The following ARFGEF3 variants were observed in gnomAD, a reference collection of about 807,000 sequenced individuals.
The protein encoded by ARFGEF3 is brefeldin A-inhibited guanine nucleotide-exchange protein 3.
ARFGEF3 carries 96 observed loss-of-function variants against 221.7 expected under a neutral mutation model. That is an observed-to-expected ratio of 0.43 (90% confidence interval 0.37 to 0.51). The LOEUF (loss-of-function observed/expected upper bound fraction) is 0.51. Ranked by LOEUF, ARFGEF3 falls within the 20% of genes least tolerant of loss-of-function variation. The pLI, the probability that ARFGEF3 is intolerant of heterozygous loss-of-function variation, is 0.00. For missense variants in ARFGEF3, 2,410 were observed against 2,789.9 expected, an observed-to-expected ratio of 0.86 and a Z score of 3.07; for synonymous variants, 1,145 against 1,126.8, an observed-to-expected ratio of 1.02 and a Z score of -0.32.
rs373066070 is a variant in ARFGEF3, at chr6:138,207,067, T to C, written c.163T>C (p.Leu55=). ...GGAGAAATGCCTGCTGCCTCTCCAG[T>C]TGGCTTTGGAATCCAAGAATGTGAA... is the stretch of plus-strand genomic sequence containing the variant. ...LREKCLLPLQ[L]ALESKNVKLA... Residue 55 remains leucine (L), a synonymous_variant, in exon 3 of 34, where the codon TTG becomes CTG. Coordinates refer to ENST00000251691, the MANE Select transcript of ARFGEF3 (RefSeq NM_020340.5). 1.2e-6 allele frequency: 2 copies of C among 1,611,034 alleles called. No homozygotes were observed. Among genetic ancestry groups the C allele is most frequent in the African/African-American group, 1.3e-5 (1 of 74,896 alleles).
chr6:138,336,512 A>C lies in ARFGEF3; in HGVS notation c.*26A>C. The C allele has an allele frequency of 6.4e-7, 1 of 1,573,552 alleles. No homozygotes were observed. Among genetic ancestry groups the C allele is most frequent in the African/African-American group, 1.4e-5 (1 of 73,970 alleles). On this transcript the variant is annotated 3_prime_UTR_variant, in exon 34 of 34. Coordinates refer to ENST00000251691, the MANE Select transcript of ARFGEF3 (RefSeq NM_020340.5). ...CCGACTCCTGTTCTACTCTCCCACC[A>C]AATAACAGTAGTGAGGGTTAGAGTC...
At chr6:138,217,017 G>C (rs1777878119) in intron 4 of ARFGEF3, 1 of 152,168 alleles carries the variant, frequency 6.6e-6, no homozygotes, top group Non-Finnish European at 1.5e-5. Context: ...TTTACCCTTT[G>C]ATATGACTGC....
At chr6:138,297,946 C>T (rs1779551416) in intron 21 of ARFGEF3, among the ~76,000 whole-genome samples, 1 of 152,184 alleles carries the variant, frequency 6.6e-6, no homozygotes, top group Non-Finnish European at 1.5e-5. Flanking sequence ...TTTTCATGGT[C>T]TCTCATGTAG....
At chr6:138,299,524 A>G (rs1258225404) in intron 22 of ARFGEF3, among the ~76,000 whole-genome samples, 4 of 152,198 alleles carry the variant, frequency 2.6e-5, no homozygotes, top group Admixed American at 2.6e-4. Flanking sequence ...TCTGAAGTCC[A>G]CCAAAAACGT....
intron 25 of ARFGEF3, 127 bp downstream of exon 25, chr6:138,311,637 G>A (rs1006769913): frequency 3.3e-5 from 21 of 642,146 alleles, no homozygotes; most frequent in East Asian, 8.2e-5. Context: ...AGATTGGGGC[G>A]CAGATGTGGA....
rs1304261411 is a variant in ARFGEF3 at position 138,207,084 on chromosome 6, G to A, written c.180G>A (p.Lys60=). ...LLPLQLALES[K]NVKLAQHALA... is the part of the protein sequence containing the mutation. ...CTCTCCAGTTGGCTTTGGAATCCAA[G>A]AATGTGAAGCTGGCCCAACATGCTT... Residue 60 remains lysine (K), a synonymous_variant, in exon 3 of 34, where the codon AAG becomes AAA. Transcript: ENST00000251691. 1.2e-6 allele frequency: 2 copies of A among 1,611,728 alleles called. No homozygotes were observed. The highest frequency in any genetic ancestry group is 1.7e-6 in the Non-Finnish European group (2 of 1,179,112).
chr6:138,298,729 C>T lies in ARFGEF3; in HGVS notation c.3772C>T (p.Arg1258Ter), dbSNP rs745336478. The T allele has an allele frequency of 3.7e-6, 6 of 1,613,432 alleles. No homozygotes were observed. The highest frequency in any genetic ancestry group is 2.2e-5 in the East Asian group (1 of 44,868). Reference sequence around the variant, plus strand: ...TTTTCACTTCAATGAAGCACTCTTCCGACCTTTCGAGCGCATTATGCAGCT... The same window carrying T: ...TTTTCACTTCAATGAAGCACTCTTCTGACCTTTCGAGCGCATTATGCAGCT... ...PHFHFNEALF[R>*]PFERIMQLEL... Residue 1258 changes from arginine to a stop codon, truncating the protein, a stop_gained, in exon 22 of 34, where the codon CGA (arginine) becomes TGA (stop). Coordinates refer to ENST00000251691, the MANE Select transcript of ARFGEF3 (RefSeq NM_020340.5). LOFTEE classifies it high-confidence loss of function.
At chr6:138,176,431 T>G (rs1229027105) in intron 2 of ARFGEF3, among the ~76,000 whole-genome samples, 1 of 152,198 alleles carries the variant, frequency 6.6e-6, no homozygotes, top group Non-Finnish European at 1.5e-5. Flanking sequence ...TCCACCCGCC[T>G]CGGCCTCCCA....
chr6:138,263,269 T>C lies in ARFGEF3; in HGVS notation c.1786T>C (p.Phe596Leu). Residue 596 changes from phenylalanine to leucine, a missense_variant, in exon 12 of 34, where the codon TTT (phenylalanine) becomes CTT (leucine). Physicochemically the swap from Phe to Leu is conservative, Grantham distance 22. Transcript: ENST00000251691. Reference sequence around the variant, plus strand: ...TGGATCTAGGTATAGTGAGAGCAATTTTAGCGTTGATGACCAAGACCTTTC... The same window carrying C: ...TGGATCTAGGTATAGTGAGAGCAATCTTAGCGTTGATGACCAAGACCTTTC... ...SYGSRYSESNFSVDDQDLSRT... is the reference protein window; with the variant it reads ...SYGSRYSESNLSVDDQDLSRT... 5 of 1,613,934 alleles carry C rather than the reference T, an allele frequency of 3.1e-6. No individual in the cohort carries two copies. The highest frequency in any genetic ancestry group is 4.2e-6 in the Non-Finnish European group (5 of 1,179,884).
chr6:138,287,312 T>C, intron 17 of ARFGEF3, 128 bp downstream of exon 17: 1 of 667,164 alleles, frequency 1.5e-6, no homozygotes, highest in Non-Finnish European at 2.6e-6. Context: ...TATACACCAC[T>C]GATCACGAGA....
At chr6:138,264,211 A>G (rs1778843779) in intron 12 of ARFGEF3, among the ~76,000 whole-genome samples, 1 of 152,194 alleles carries the variant, frequency 6.6e-6, no homozygotes, top group Non-Finnish European at 1.5e-5. Flanking sequence ...CACATCAGAA[A>G]ATAATGCTGG....
chr6:138,215,093 A>G (rs2114506210), intron 4 of ARFGEF3, among the ~76,000 whole-genome samples: 1 of 152,340 alleles, frequency 6.6e-6, no homozygotes, highest in Admixed American at 6.5e-5. Context: ...GGTGTGTGCT[A>G]TTTCCATAAA....
intron 2 of ARFGEF3, among the ~76,000 whole-genome samples, chr6:138,185,411 A>G (rs1777163209): frequency 6.6e-6 from 1 of 152,028 alleles, no homozygotes; most frequent in Non-Finnish European, 1.5e-5. Flanking sequence ...ACGCACCCTA[A>G]CTGATGCACC....
chr6:138,216,568 G>A (rs761917542), intron 4 of ARFGEF3: 1 of 152,168 alleles, frequency 6.6e-6, no homozygotes, highest in Non-Finnish European at 1.5e-5. Context: ...TCTTCAGATG[G>A]TTAGTTTTGA....
At chr6:138,213,671 G>A (rs1217955662) in intron 4 of ARFGEF3, among the ~76,000 whole-genome samples, 1 of 151,990 alleles carries the variant, frequency 6.6e-6, no homozygotes, top group Non-Finnish European at 1.5e-5. Flanking sequence ...ATGATTGCTG[G>A]AGACTGGGGT....
At chr6:138,199,086 T>C (rs1777486178) in intron 2 of ARFGEF3, among the ~76,000 whole-genome samples, 1 of 152,218 alleles carries the variant, frequency 6.6e-6, no homozygotes, top group Non-Finnish European at 1.5e-5. Context: ...TTTAATATTT[T>C]TTTAAAAGAA....
In ARFGEF3 at chr6:138,289,909, C is replaced by T; in HGVS notation, c.2988C>T (p.Ile996=). 1 of 1,613,982 alleles carries T rather than the reference C, an allele frequency of 6.2e-7. No homozygotes were observed. Among genetic ancestry groups the T allele is most frequent in the Non-Finnish European group, 8.5e-7 (1 of 1,179,882 alleles). ...HTAHVLCMEA[I]LSVGLEMGSH... is the part of the protein sequence containing the mutation. ...CCCACGTCTTGTGCATGGAGGCCAT[C>T]CTCAGCGTAGGCCTGGAGATGGGAA... The change falls in exon 18 of 34, where the codon ATC becomes ATT. Residue 996 remains isoleucine (I), a synonymous_variant. Transcript: ENST00000251691.
intron 24 of ARFGEF3, among the ~76,000 whole-genome samples, chr6:138,309,131 A>G (rs976336853): frequency 1.3e-5 from 2 of 152,200 alleles, no homozygotes; most frequent in African/African-American, 4.8e-5. Context: ...CTTTATTGTC[A>G]AAGAATAATA....
At chr6:138,201,818 G>A (rs776261389) in intron 2 of ARFGEF3, among the ~76,000 whole-genome samples, 7 of 152,110 alleles carry the variant, frequency 4.6e-5, no homozygotes, top group African/African-American at 1.2e-4. Flanking sequence ...AATAACTTAC[G>A]AACAAATTTT....
Sources: gnomAD v4.1 joint callset for allele counts (sites outside exome capture counted in the v4.1 genomes callset) on GRCh38, gnomAD v4.1.1 for gene constraint, MANE v1.5 for transcripts, NCBI Gene and HGNC (gene_info 2026-07-23, HGNC 2026-07-21) for gene names.